The following GBE1 variants were observed in gnomAD, a reference collection of about 807,000 sequenced individuals.
The protein encoded by GBE1 is 1,4-alpha-glucan-branching enzyme.
A neutral mutation model predicts 88.8 loss-of-function variants in GBE1; 70 were observed. That is an observed-to-expected ratio of 0.79 (90% CI 0.65 to 0.96). The LOEUF (loss-of-function observed/expected upper bound fraction) is 0.96. Ranked by LOEUF, GBE1 falls within the 40% of genes least tolerant of loss-of-function variation. The pLI, the probability that GBE1 is intolerant of heterozygous loss-of-function variation, is 0.00. For synonymous variants in GBE1, 284 were observed against 300.1 expected, an observed-to-expected ratio of 0.95 and a Z score of 0.56; for missense variants, 872 against 871.0, an observed-to-expected ratio of 1.00 and a Z score of -0.01.
At chr3:81,559,460 A>AT (rs71633683) in intron 12 of GBE1, among the ~76,000 whole-genome samples, 51,686 of 151,264 alleles carry the variant, frequency 0.34, 9,333 homozygotes, top group East Asian at 0.47. Context: ...CTCTTCAGCC[A>AT]TTTTTTTTCC....
chr3:81,757,124 A>C (rs1706614181), intron 1 of GBE1, among the ~76,000 whole-genome samples: 1 of 152,164 alleles, frequency 6.6e-6, no homozygotes, highest in Admixed American at 6.5e-5. Flanking sequence ...AGAAAAAAGG[A>C]ATGCATGTGG....
chr3:81,573,077 GC>G (rs1405207751), intron 12 of GBE1, among the ~76,000 whole-genome samples: 1 of 151,282 alleles, frequency 6.6e-6, no homozygotes, highest in Non-Finnish European at 1.5e-5. Flanking sequence ...AGCATACTTA[GC>G]CAATGATTAT....
chr3:81,575,752 C>T lies in GBE1; in HGVS notation c.1618+2173G>A, dbSNP rs76263812. On this transcript the variant is annotated intron_variant, in intron 12 of 15. Coordinates refer to ENST00000429644, the MANE Select transcript of GBE1 (RefSeq NM_000158.4). ...TATGCCATTAGAAAATATCACCTTGCTTATAACTAAAACTGGTTATTGCAG... is the reference window on the plus strand; with the variant it reads ...TATGCCATTAGAAAATATCACCTTGTTTATAACTAAAACTGGTTATTGCAG... 5.9e-3 allele frequency among the ~76,000 whole-genome samples: 893 copies of T among 152,172 alleles called. 6 individuals are homozygous for T. Among genetic ancestry groups the T allele is most frequent in the African/African-American group, 0.017 (705 of 41,544 alleles).
chr3:81,613,275 C>A (rs1464485060), intron 7 of GBE1, among the ~76,000 whole-genome samples: 2 of 151,730 alleles, frequency 1.3e-5, no homozygotes, highest in Non-Finnish European at 2.9e-5. Context: ...AGAGTCTCTA[C>A]CCCTTTCTGT....
rs373860840 is a variant in GBE1, at chr3:81,509,871, T to C, written c.1935-10644A>G. On this transcript the variant is annotated intron_variant, in intron 14 of 15. Transcript: ENST00000429644. ...ACATTTTAAAAGATTTCATATTCTT[T>C]ATAAATTTATAACAGAATATTTATA... Among the ~76,000 whole-genome samples, 12 of 152,154 alleles carry C rather than the reference T, an allele frequency of 7.9e-5. No individual in the cohort carries two copies. The East Asian group carries it at 1.7e-3, about 22-fold the overall frequency.
At chr3:81,698,749 C>G (rs571116921) in intron 2 of GBE1, among the ~76,000 whole-genome samples, 1 of 152,100 alleles carries the variant, frequency 6.6e-6, no homozygotes, top group South Asian at 2.1e-4. Flanking sequence ...AGTCTACTAC[C>G]TGTGCTCAGT....
At chr3:81,725,571 T>C (rs536285866) in intron 1 of GBE1, among the ~76,000 whole-genome samples, 5 of 152,330 alleles carry the variant, frequency 3.3e-5, no homozygotes, top group Admixed American at 1.3e-4. Flanking sequence ...ATTTAAAGTA[T>C]AGTATAATAA....
At chr3:81,506,893 C>G (rs551976947) in intron 14 of GBE1, among the ~76,000 whole-genome samples, 1 of 152,124 alleles carries the variant, frequency 6.6e-6, no homozygotes, top group Admixed American at 6.5e-5. Flanking sequence ...TAAAGAGGAA[C>G]GACACACTCT....
chr3:81,717,289 C>T (rs1277845328), intron 1 of GBE1, among the ~76,000 whole-genome samples: 3 of 152,152 alleles, frequency 2.0e-5, no homozygotes, highest in South Asian at 4.1e-4. Context: ...GGAAAAATTA[C>T]GTGGCAAAGA....
Position 81,538,725 on chromosome 3 carries a change from T to G in GBE1, c.1619-1630A>C, listed in dbSNP as rs75596927. 5.6e-3 allele frequency among the ~76,000 whole-genome samples: 858 copies of G among 152,120 alleles called. 11 individuals carry two copies. The highest frequency in any genetic ancestry group is 0.019 in the African/African-American group (785 of 41,530). On this transcript the variant is annotated intron_variant, in intron 12 of 15. Coordinates refer to ENST00000429644, the MANE Select transcript of GBE1 (RefSeq NM_000158.4). ...TTACTGATAATGAAGGGATTTCCAGTCTGGGAACAAGTATATGTCCACATA... is the reference window on the plus strand; with the variant it reads ...TTACTGATAATGAAGGGATTTCCAGGCTGGGAACAAGTATATGTCCACATA...
intron 7 of GBE1, among the ~76,000 whole-genome samples, chr3:81,630,444 T>C (rs556084714): frequency 6.6e-6 from 1 of 152,272 alleles, no homozygotes; most frequent in East Asian, 1.9e-4. Flanking sequence ...AGAGCCCGCA[T>C]TGCCAAGTCA....
chr3:81,686,476 G>A (rs1431890971), intron 2 of GBE1, among the ~76,000 whole-genome samples: 1 of 152,152 alleles, frequency 6.6e-6, no homozygotes, highest in Non-Finnish European at 1.5e-5. Flanking sequence ...AAAGACACTG[G>A]CCGGGCGCAG....
At chr3:81,621,611 C>T (rs1218317314) in intron 7 of GBE1, among the ~76,000 whole-genome samples, 1 of 152,166 alleles carries the variant, frequency 6.6e-6, no homozygotes, top group Non-Finnish European at 1.5e-5. Context: ...TACCTACTAT[C>T]CTTCTTCGGC....
chr3:81,529,284 T>C (rs980851041), intron 14 of GBE1, among the ~76,000 whole-genome samples: 7 of 152,060 alleles, frequency 4.6e-5, no homozygotes, highest in African/African-American at 1.7e-4. Context: ...TAACTTTTTG[T>C]TTGTATTTAT....
chr3:81,558,413 A>G (rs887920164), intron 12 of GBE1, among the ~76,000 whole-genome samples: 3 of 152,042 alleles, frequency 2.0e-5, no homozygotes, highest in African/African-American at 4.8e-5. Context: ...CTATCTATCT[A>G]TCTATCTATC....
At chr3:81,520,701 C>G (rs1485019720) in intron 14 of GBE1, among the ~76,000 whole-genome samples, 1 of 151,460 alleles carries the variant, frequency 6.6e-6, no homozygotes, top group Non-Finnish European at 1.5e-5. Context: ...AAATATGAAA[C>G]CTGCCTATTT....
At position 81,609,401 on chromosome 3, in the gene GBE1, C is replaced by A. The variant is rs1704143206; in HGVS notation, c.993-15378G>T. Among the ~76,000 whole-genome samples, 3 of 152,118 alleles carry A rather than the reference C, an allele frequency of 2.0e-5. No homozygotes were observed. The South Asian group carries it at 6.2e-4, about 31-fold the overall frequency. The stretch of plus-strand genomic sequence containing the variant: ...GACTGGAACATTGGTCTACATCTGT[C>A]TGTCTCTTCACCCTCAAAAACACAG... On this transcript the variant is annotated intron_variant, in intron 7 of 15. Coordinates refer to ENST00000429644, the MANE Select transcript of GBE1 (RefSeq NM_000158.4).
rs867328355 is a variant in GBE1, at chr3:81,642,650, A to C, written c.992+131T>G. The C allele has an allele frequency of 2.0e-5, 13 of 652,666 alleles. No homozygotes were observed. In the South Asian group the frequency reaches 2.4e-4, roughly 12 times the overall value. The allele number at this position is 652,666 out of a possible 1,614,324, so 40.4% of individuals were successfully genotyped here. ...CAAAACAAGGTAAAATCCCCTGTACAACAAAAATAAATCCAATTAAGAACA... is the reference window on the plus strand; with the variant it reads ...CAAAACAAGGTAAAATCCCCTGTACCACAAAAATAAATCCAATTAAGAACA... On this transcript the variant is annotated intron_variant, in intron 7 of 15. Transcript: ENST00000429644.
intron 7 of GBE1, among the ~76,000 whole-genome samples, chr3:81,631,590 AC>A (rs1704510448): frequency 6.6e-6 from 1 of 151,386 alleles, no homozygotes; most frequent in African/African-American, 2.4e-5. Flanking sequence ...AAAAAAAAAA[AC>A]AAAAAATTAG....
Sources: gnomAD v4.1 joint callset for allele counts (sites outside exome capture counted in the v4.1 genomes callset) on GRCh38, gnomAD v4.1.1 for gene constraint, MANE v1.5 for transcripts, NCBI Gene and HGNC (gene_info 2026-07-23, HGNC 2026-07-21) for gene names.